Variants in ZFHX4 observed in about 807,000 individuals in gnomAD.
ZFHX4 encodes the protein zinc finger homeobox protein 4.
A neutral mutation model predicts 267.6 loss-of-function variants in ZFHX4; 56 were observed. The observed-to-expected ratio is 0.21, with a 90% confidence interval of 0.17 to 0.26. The LOEUF (loss-of-function observed/expected upper bound fraction) is 0.26. Among genes scored for constraint, ZFHX4 ranks in the 10% least tolerant of loss-of-function variants. The probability of loss-of-function intolerance (pLI) is 1.00; values close to 1 mark genes in which losing one functional copy is unlikely to be tolerated. For missense variants in ZFHX4, 4,332 were observed against 4,420.0 expected, an observed-to-expected ratio of 0.98 and a Z score of 0.56; for synonymous variants, 1,778 against 1,665.6, an observed-to-expected ratio of 1.07 and a Z score of -1.64.
intron 5 of ZFHX4, among the ~76,000 whole-genome samples, chr8:76,839,292 A>T (rs1032023103): frequency 7.2e-5 from 11 of 152,204 alleles, no homozygotes; most frequent in Non-Finnish European, 1.5e-4. Context: ...GCCAATGTGT[A>T]TATGTAGAGT....
At chr8:76,760,931 A>C (rs1809895738) in intron 3 of ZFHX4, among the ~76,000 whole-genome samples, 4 of 148,410 alleles carry the variant, frequency 2.7e-5, no homozygotes, top group Admixed American at 2.7e-4. Flanking sequence ...CCTGCCTCAA[A>C]AAAAAAAAAA....
chr8:76,798,472 A>G (rs1811038924), intron 4 of ZFHX4, among the ~76,000 whole-genome samples: 1 of 152,198 alleles, frequency 6.6e-6, no homozygotes, highest in African/African-American at 2.4e-5. Context: ...TGGACTAGTG[A>G]GCTGCTGATG....
chr8:76,769,960 C>T (rs1242825735), intron 3 of ZFHX4, among the ~76,000 whole-genome samples: 1 of 152,106 alleles, frequency 6.6e-6, no homozygotes, highest in Non-Finnish European at 1.5e-5. Context: ...GCTGCTGCCT[C>T]CTGCTACTGT....
chr8:76,818,340 A>G (rs1308195255), intron 4 of ZFHX4, among the ~76,000 whole-genome samples: 1 of 152,222 alleles, frequency 6.6e-6, no homozygotes, highest in African/African-American at 2.4e-5. Context: ...CGGGAGAAGC[A>G]AGAAACTATA....
chr8:76,834,031 A>G (rs1812006860), intron 5 of ZFHX4: 1 of 324,828 alleles, frequency 3.1e-6, no homozygotes, highest in Non-Finnish European at 6.2e-6. Context: ...ATATGCATTT[A>G]AGTTTTCTCT....
intron 4 of ZFHX4, among the ~76,000 whole-genome samples, chr8:76,829,668 G>A (rs1014944222): frequency 6.6e-6 from 1 of 152,058 alleles, no homozygotes; most frequent in African/African-American, 2.4e-5. Context: ...AATTAGCTGG[G>A]CATGGTAGTG....
intron 6 of ZFHX4, among the ~76,000 whole-genome samples, chr8:76,844,821 C>T (rs535676790): frequency 2.0e-5 from 3 of 152,218 alleles, no homozygotes; most frequent in African/African-American, 7.2e-5. Context: ...AACCTTCTAG[C>T]CTTCAAGACA....
intron 3 of ZFHX4, among the ~76,000 whole-genome samples, chr8:76,728,402 C>T (rs919906238): frequency 6.6e-6 from 1 of 152,172 alleles, no homozygotes; most frequent in African/African-American, 2.4e-5. Flanking sequence ...TCTTCCTTTT[C>T]CTTTCATTAG....
At position 76,855,169 on chromosome 8, in the gene ZFHX4, T is replaced by C. The variant is rs1338528745; in HGVS notation, c.8248T>C (p.Ser2750Pro). 1.9e-6 allele frequency: 3 copies of C among 1,613,534 alleles called. No homozygotes were observed. The African/African-American group carries it at 4.0e-5, about 22-fold the overall frequency. Residue 2750 changes from serine to proline, a missense_variant, in exon 10 of 11, where the codon TCT becomes CCT. Ser to Pro is a moderately conservative substitution (Grantham distance 74). Around this residue, in one of 7 missense-constraint regions of ZFHX4, gnomAD observed 1,648 missense variants for 1,625.0 expected, o/e 1.01. Coordinates refer to ENST00000651372, the MANE Select transcript of ZFHX4 (RefSeq NM_024721.5). ...TCTATCAAGTGAGAATGAATTGGCT[T>C]CTACAGTGTCAACACCTGTTAGTAA... ...IDLSSENELA[S>P]TVSTPVSKTA...
chr8:76,861,765 C>G (rs543906506), intron 10 of ZFHX4, among the ~76,000 whole-genome samples: 3 of 150,742 alleles, frequency 2.0e-5, no homozygotes, highest in Non-Finnish European at 4.4e-5. Context: ...TTCTGTCTCT[C>G]CTTTTTTTTT....
At chr8:76,803,674 T>C (rs2131831221) in intron 4 of ZFHX4, among the ~76,000 whole-genome samples, 1 of 152,214 alleles carries the variant, frequency 6.6e-6, no homozygotes, top group East Asian at 1.9e-4. Flanking sequence ...TGAGAAATAT[T>C]TGATTTAATA....
chr8:76,756,360 A>G (rs1055131930), intron 3 of ZFHX4, among the ~76,000 whole-genome samples: 1 of 152,128 alleles, frequency 6.6e-6, no homozygotes, highest in African/African-American at 2.4e-5. Context: ...ACTTTCTTTT[A>G]GCCTTTGTTC....
At position 76,755,011 on chromosome 8, in the gene ZFHX4, G is replaced by C. The variant is rs776367182; in HGVS notation, c.3094-23197G>C. Among the ~76,000 whole-genome samples the C allele has an allele frequency of 5.9e-5, 9 of 152,136 alleles. 1 individual carries two copies. The highest frequency in any genetic ancestry group is 5.9e-4 in the Admixed American group (9 of 15,266). The stretch of plus-strand genomic sequence containing the variant: ...TATTTACATAATACCATCAACATTG[G>C]AGAATGTCCACATCTGGGCCACCCT... On this transcript the variant is annotated intron_variant, in intron 3 of 10. Coordinates refer to ENST00000651372, the MANE Select transcript of ZFHX4 (RefSeq NM_024721.5).
rs369363925 is a variant in ZFHX4, at chr8:76,842,849, C to G, written c.3511+78C>G. On this transcript the variant is annotated intron_variant, in intron 6 of 10. Coordinates refer to ENST00000651372, the MANE Select transcript of ZFHX4 (RefSeq NM_024721.5). Reference sequence around the variant, plus strand: ...ATCAACTCTTCCTTCACCATCCCCCCACCCCACAAAACTTATTAAAAGCTT... The same window carrying G: ...ATCAACTCTTCCTTCACCATCCCCCGACCCCACAAAACTTATTAAAAGCTT... 3.0e-4 allele frequency: 300 copies of G among 1,004,282 alleles called. 1 individual carries two copies. In the African/African-American group the frequency reaches 4.1e-3, roughly 14 times the overall value. The allele number at this position is 1,004,282 out of a possible 1,614,324, so 62.2% of individuals were successfully genotyped here. A position where few individuals can be genotyped will look rare whatever the true frequency, so the allele number is the denominator to read the frequency against.
At chr8:76,743,833 T>G (rs950846391) in intron 3 of ZFHX4, among the ~76,000 whole-genome samples, 8 of 152,228 alleles carry the variant, frequency 5.3e-5, no homozygotes, top group African/African-American at 1.7e-4. Context: ...AAGCCTATTA[T>G]GATGCATCAA....
intron 6 of ZFHX4, among the ~76,000 whole-genome samples, chr8:76,847,880 T>C (rs1184840787): frequency 6.6e-6 from 1 of 152,132 alleles, no homozygotes; most frequent in Admixed American, 6.5e-5. Flanking sequence ...TAAATCTTCA[T>C]GCACAGCATA....
rs746446464 is a variant in ZFHX4, at chr8:76,854,369, A to G, written c.7448A>G (p.Gln2483Arg). 2 of 1,613,956 alleles carry G rather than the reference A, an allele frequency of 1.2e-6. No homozygotes were observed. Among genetic ancestry groups the G allele is most frequent in the Admixed American group, 3.3e-5 (2 of 60,020 alleles). ...SPLQISMTSL[Q>R]NSLPPQLLQY... ...CTGCAAATTTCCATGACGTCTCTCC[A>G]GAACAGTCTACCTCCACAGTTACTA... Residue 2483 changes from glutamine (Q) to arginine (R), a missense_variant, in exon 10 of 11, where the codon CAG (glutamine) becomes CGG (arginine). By Grantham distance (43) the Gln-to-Arg change is conservative (BLOSUM62 1). Coordinates refer to ENST00000651372, the MANE Select transcript of ZFHX4 (RefSeq NM_024721.5).
At chr8:76,807,409 T>C (rs935063459) in intron 4 of ZFHX4, among the ~76,000 whole-genome samples, 2 of 152,076 alleles carry the variant, frequency 1.3e-5, no homozygotes, top group African/African-American at 4.8e-5. Flanking sequence ...AAATAGATTC[T>C]GAACAAGCAG....
At chr8:76,771,601 G>A (rs1302491527) in intron 3 of ZFHX4, among the ~76,000 whole-genome samples, 1 of 151,960 alleles carries the variant, frequency 6.6e-6, no homozygotes, top group Non-Finnish European at 1.5e-5. Context: ...ACCATGCCTG[G>A]CTAATTTATT....
Sources: allele counts gnomAD v4.1 joint callset (sites outside exome capture counted in the v4.1 genomes callset), GRCh38; gene constraint gnomAD v4.1.1; regional missense constraint gnomAD v4.1.1; transcripts MANE v1.5; gene names NCBI Gene and HGNC (gene_info 2026-07-23, HGNC 2026-07-21).